STARD13: variants seen among roughly 807,000 people sequenced by gnomAD.
STARD13 encodes StAR related lipid transfer domain containing 13.
STARD13 carries 62 observed loss-of-function variants against 106.4 expected under a neutral mutation model. That is an observed-to-expected ratio of 0.58 (90% confidence interval 0.48 to 0.72). The LOEUF is 0.72. Among genes scored for constraint, STARD13 ranks in the 30% least tolerant of loss-of-function variants. The pLI, the probability that STARD13 is intolerant of heterozygous loss-of-function variation, is 0.00. For synonymous variants in STARD13, 565 were observed against 553.0 expected, an observed-to-expected ratio of 1.02 and a Z score of -0.31; for missense variants, 1,387 against 1,424.0, an observed-to-expected ratio of 0.97 and a Z score of 0.42.
chr13:33,325,666 G>C (rs1396113373), intron 1 of STARD13, among the ~76,000 whole-genome samples: 1 of 152,112 alleles, frequency 6.6e-6, no homozygotes, highest in Non-Finnish European at 1.5e-5. Flanking sequence ...GTCATCTTGA[G>C]TCCTGTGAAG....
chr13:33,294,811 A>G (rs1262272861), intron 1 of STARD13, among the ~76,000 whole-genome samples: 1 of 152,138 alleles, frequency 6.6e-6, no homozygotes, highest in Non-Finnish European at 1.5e-5. Context: ...CAGTGAATAT[A>G]TTTTCTTAAT....
chr13:33,662,023 G>C, the STARD13 span, among the ~76,000 whole-genome samples: 1 of 152,066 alleles, frequency 6.6e-6, no homozygotes, highest in African/African-American at 2.4e-5. Context: ...AGCACTCTGG[G>C]AGGCCGAGGT....
the STARD13 span, among the ~76,000 whole-genome samples, chr13:33,601,476 G>T: frequency 2.6e-5 from 4 of 152,144 alleles, no homozygotes; most frequent in East Asian, 7.7e-4. Context: ...AAGGGTGGGA[G>T]CCAGGGGGCA....
rs114837666 is a variant in STARD13, at chr13:33,150,867, A to G, written c.324-8494T>C. Reference sequence around the variant, plus strand: ...ACTTGAGGTTCTAATGGGAAAGTCAACAAGAAGAGAAGAAGCCAAGATTCG... The same window carrying G: ...ACTTGAGGTTCTAATGGGAAAGTCAGCAAGAAGAGAAGAAGCCAAGATTCG... On this transcript the variant is annotated intron_variant, in intron 3 of 13. Coordinates refer to ENST00000336934, the MANE Select transcript of STARD13 (RefSeq NM_178006.4). Among the ~76,000 whole-genome samples, 908 of 152,354 alleles carry G rather than the reference A, an allele frequency of 6.0e-3. 13 individuals carry two copies. The highest frequency in any genetic ancestry group is 0.021 in the African/African-American group (870 of 41,586).
At chr13:33,402,554 G>A in the STARD13 span, among the ~76,000 whole-genome samples, 2,887 of 152,328 alleles carry the variant, frequency 0.019, 84 homozygotes, top group African/African-American at 0.066. Flanking sequence ...CTGACCCTAA[G>A]TAGGAACAGG....
chr13:33,476,374 A>G, the STARD13 span, among the ~76,000 whole-genome samples: 1 of 152,228 alleles, frequency 6.6e-6, no homozygotes, highest in Non-Finnish European at 1.5e-5. Context: ...TTACCTAATC[A>G]GTTTTCAGCA....
rs985040799 is a variant in STARD13, at chr13:33,106,766, T to C, written c.3216A>G (p.Ile1072Met). The change falls in exon 13 of 14, where the codon ATA becomes ATG. Residue 1072 changes from isoleucine to methionine, a missense_variant. By Grantham distance (10) the Ile-to-Met change is conservative (BLOSUM62 1). Coordinates refer to ENST00000336934, the MANE Select transcript of STARD13 (RefSeq NM_178006.4). The part of the protein sequence containing the change: ...GKSRLTHICR[I>M]DLKGHSPEWY... ...AGGGAGTCAGCACTTACTTCAGGTCTATCCTGCAGATGTGAGTCAGTCTTG... is the reference window on the plus strand; with the variant it reads ...AGGGAGTCAGCACTTACTTCAGGTCCATCCTGCAGATGTGAGTCAGTCTTG... 3.1e-6 allele frequency: 5 copies of C among 1,611,216 alleles called. No homozygotes were observed. The African/African-American group carries it at 6.7e-5, about 22-fold the overall frequency.
chr13:33,469,527 G>A, the STARD13 span, among the ~76,000 whole-genome samples: 43 of 152,180 alleles, frequency 2.8e-4, 1 homozygote, highest in South Asian at 6.6e-3. Flanking sequence ...ACATTTCACC[G>A]AACAAATGTT....
At chr13:33,207,614 A>G (rs1464117574) in intron 1 of STARD13, among the ~76,000 whole-genome samples, 1 of 152,300 alleles carries the variant, frequency 6.6e-6, no homozygotes, top group African/African-American at 2.4e-5. Flanking sequence ...GATTTCGTCC[A>G]GCTTTCTACA....
At position 33,128,946 on chromosome 13, in the gene STARD13, A is replaced by G. The variant is rs776279967; in HGVS notation, c.1731T>C (p.Ser577=). The G allele has an allele frequency of 6.2e-7, 1 of 1,612,510 alleles. No individual in the cohort carries two copies. Among genetic ancestry groups the G allele is most frequent in the Non-Finnish European group, 8.5e-7 (1 of 1,179,148 alleles). The change falls in exon 5 of 14, where the codon TCT becomes TCC. Residue 577 remains serine (S), a synonymous_variant. Coordinates refer to ENST00000336934, the MANE Select transcript of STARD13 (RefSeq NM_178006.4). ...RDRRDSGVGA[S]LTRPNRRLRW... ...CCACCTACCTGTTTGGCCTGGTCAG[A>G]GAGGCCCCTACACCAGAATCCCTCC... is the stretch of plus-strand genomic sequence containing the variant.
At chr13:33,244,617 T>G (rs1451799788) in intron 1 of STARD13, among the ~76,000 whole-genome samples, 2 of 152,136 alleles carry the variant, frequency 1.3e-5, no homozygotes, top group Admixed American at 1.3e-4. Context: ...AAGAGGTCTT[T>G]CAGCTTTTAT....
intron 1 of STARD13, among the ~76,000 whole-genome samples, chr13:33,260,194 G>A (rs1890571660): frequency 6.6e-6 from 1 of 152,182 alleles, no homozygotes; most frequent in Non-Finnish European, 1.5e-5. Context: ...TAACTTTCCA[G>A]CTAGTGTTCT....
the STARD13 span, among the ~76,000 whole-genome samples, chr13:33,605,143 G>A: frequency 2.0e-5 from 3 of 151,252 alleles, no homozygotes; most frequent in South Asian, 2.1e-4. Context: ...GGAGCCTGAG[G>A]TGGAAGGATG....
chr13:33,561,116 C>T, the STARD13 span, among the ~76,000 whole-genome samples: 1 of 151,346 alleles, frequency 6.6e-6, no homozygotes, highest in East Asian at 1.9e-4. Flanking sequence ...TATAAAAATT[C>T]ATAAGCTTGT....
At chr13:33,327,734 AAG>A (rs2077792598) in intron 1 of STARD13, among the ~76,000 whole-genome samples, 1 of 152,236 alleles carries the variant, frequency 6.6e-6, no homozygotes, top group Non-Finnish European at 1.5e-5. Flanking sequence ...ATAATTTAAA[AAG>A]AGGGTGAAAT....
intron 8 of STARD13, among the ~76,000 whole-genome samples, chr13:33,115,310 G>T (rs1218041101): frequency 6.6e-6 from 1 of 152,122 alleles, no homozygotes; most frequent in Non-Finnish European, 1.5e-5. Context: ...TTGACTCTAG[G>T]GTCTATGCAT....
the STARD13 span, among the ~76,000 whole-genome samples, chr13:33,475,047 A>T: frequency 2.0e-5 from 3 of 152,228 alleles, no homozygotes; most frequent in Admixed American, 2.0e-4. Context: ...ACGTGCTTAT[A>T]GGTAAACTTT....
the STARD13 span, among the ~76,000 whole-genome samples, chr13:33,552,704 A>G: frequency 6.6e-6 from 1 of 152,242 alleles, no homozygotes; most frequent in African/African-American, 2.4e-5. Flanking sequence ...ACCTATAGGA[A>G]TAAAAAGTGA....
intron 3 of STARD13, among the ~76,000 whole-genome samples, chr13:33,161,011 C>G (rs1882557110): frequency 6.6e-6 from 1 of 152,126 alleles, no homozygotes; most frequent in Non-Finnish European, 1.5e-5. Context: ...TGGCAACAAC[C>G]AAATGTTCTT....
Sources: gnomAD v4.1 joint callset for allele counts (sites outside exome capture counted in the v4.1 genomes callset) on GRCh38, gnomAD v4.1.1 for gene constraint, MANE v1.5 for transcripts, NCBI Gene and HGNC (gene_info 2026-07-23, HGNC 2026-07-21) for gene names.